GCN1: variants seen among roughly 807,000 people sequenced by gnomAD.
GCN1 encodes stalled ribosome sensor GCN1.
Under a neutral mutation model 288.4 loss-of-function variants are expected in GCN1, and 90 were observed. The ratio of observed to expected loss-of-function variants is 0.31; its 90% CI spans 0.26 to 0.37. The LOEUF (loss-of-function observed/expected upper bound fraction) is 0.37. GCN1 is among the 10% of genes least tolerant of loss of function. The pLI, the probability that GCN1 is intolerant of heterozygous loss-of-function variation, is 1.00. For missense variants in GCN1, 2,586 were observed against 3,419.9 expected, an observed-to-expected ratio of 0.76 and a Z score of 6.08; for synonymous variants, 1,386 against 1,420.2, an observed-to-expected ratio of 0.98 and a Z score of 0.54.
chr12:120,172,493 C>T (rs1445731317), intron 14 of GCN1, among the ~76,000 whole-genome samples: 1 of 152,120 alleles, frequency 6.6e-6, no homozygotes, highest in Non-Finnish European at 1.5e-5. Context: ...CAAGAGGAGG[C>T]CCTGGAATCT....
chr12:120,178,834 C>G lies in GCN1; in HGVS notation c.525+18G>C, dbSNP rs972252319. The G allele has an allele frequency of 6.2e-7, 1 of 1,613,330 alleles. No individual in the cohort carries two copies. Among genetic ancestry groups the G allele is most frequent in the South Asian group, 1.1e-5 (1 of 91,066 alleles). On this transcript the variant is annotated intron_variant, in intron 6 of 57. Transcript: ENST00000300648. ...GCATGGAAGAAGCAATGCCCACCAG[C>G]CCCTGCAGTCCTGTCACCTCTTTCC...
intron 42 of GCN1, among the ~76,000 whole-genome samples, chr12:120,143,191 G>A (rs1038522234): frequency 2.0e-5 from 3 of 152,094 alleles, no homozygotes; most frequent in African/African-American, 4.8e-5. Flanking sequence ...TATAACAAAA[G>A]TTATAAAAAA....
intron 1 of GCN1, 59 bp from the exon 2 acceptor site, chr12:120,190,459 G>T: frequency 2.2e-6 from 2 of 891,902 alleles, no homozygotes; most frequent in Non-Finnish European, 3.8e-6. Flanking sequence ...ATGAGTGTGT[G>T]TGTTGAGGGG....
intron 31 of GCN1, among the ~76,000 whole-genome samples, chr12:120,154,206 G>A (rs893127151): frequency 2.0e-5 from 3 of 152,250 alleles, no homozygotes; most frequent in African/African-American, 7.2e-5. Flanking sequence ...CTGCAAAGCA[G>A]GTTGTAAGAG....
In GCN1 at chr12:120,171,664, GTTTAT is replaced by G; in HGVS notation, c.1367-1348_1367-1344del. ...TTTATTTTCGTTTTGTTTTTAAAAG[GTTTAT>G]TTTATATTATGTTTATTTTAAAAGC... On this transcript the variant is annotated intron_variant, in intron 14 of 57. Coordinates refer to ENST00000300648, the MANE Select transcript of GCN1 (RefSeq NM_006836.2). 1.3e-5 allele frequency among the ~76,000 whole-genome samples: 2 copies of G among 152,212 alleles called. 1 individual carries two copies. The highest frequency in any genetic ancestry group is 4.1e-4 in the South Asian group (2 of 4,826).
Position 120,162,067 on chromosome 12 carries a change from C to A in GCN1, c.2164-9G>T, listed in dbSNP as rs374600893. The A allele has an allele frequency of 1.2e-5, 20 of 1,610,736 alleles. No individual in the cohort carries two copies. Among genetic ancestry groups the A allele is most frequent in the Non-Finnish European group, 1.7e-5 (20 of 1,179,612 alleles). On this transcript the variant is annotated splice_polypyrimidine_tract_variant and intron_variant, in intron 20 of 57. Transcript: ENST00000300648. The stretch of plus-strand genomic sequence containing the variant: ...ATGGCATTCATGGAGGACTGCCAGA[C>A]AAACGCAGACATGGTCAGTGTGTGC...
At position 120,147,096 on chromosome 12, in the gene GCN1, C is replaced by T. The variant is rs770444543; in HGVS notation, c.4903G>A (p.Ala1635Thr). ...QDRSTDTRKM[A>T]AQIIGNMYSL... ...TACATGTTGCCAATAATCTGGGCTG[C>T]CATCTTCCGCGTGTCCGTGGAACGG... The change falls in exon 38 of 58, where the codon GCA becomes ACA. Residue 1635 changes from alanine to threonine, a missense_variant. This residue lies in a region of GCN1 where 371 missense variants were observed against 572.6 expected (regional missense o/e 0.65). Coordinates refer to ENST00000300648, the MANE Select transcript of GCN1 (RefSeq NM_006836.2). The T allele has an allele frequency of 1.3e-6, 2 of 1,599,280 alleles. No individual in the cohort carries two copies. Among genetic ancestry groups the T allele is most frequent in the Non-Finnish European group, 1.7e-6 (2 of 1,169,180 alleles).
At chr12:120,138,543 C>T (rs968835735) in intron 46 of GCN1, 128 bp from the exon 47 acceptor site, 25 of 1,033,184 alleles carry the variant, frequency 2.4e-5, no homozygotes, top group Admixed American at 3.5e-5. Flanking sequence ...CTGCCGAAGG[C>T]GAAGCACAAA....
In GCN1 at chr12:120,173,693, C is replaced by T; in HGVS notation, c.1326G>A (p.Val442=). The T allele has an allele frequency of 6.2e-7, 1 of 1,611,386 alleles. No individual in the cohort carries two copies. Among genetic ancestry groups the T allele is most frequent in the Non-Finnish European group, 8.5e-7 (1 of 1,177,468 alleles). ...ACATGCACTGCAGGTAGGCATGCCT[C>T]ACCGCAGATGTGGAGGTTTTAAGGC... ...AFSLKTSTSA[V]RHAYLQCMLA... The change falls in exon 14 of 58, where the codon GTG becomes GTA. Residue 442 remains valine, a synonymous_variant. Coordinates refer to ENST00000300648, the MANE Select transcript of GCN1 (RefSeq NM_006836.2).
rs772245109 is a variant in GCN1 at position 120,153,277 on chromosome 12, C to G, written c.3998G>C (p.Ser1333Thr). Reference sequence around the variant, plus strand: ...AACAATGGGCTTCACTTTGGGGTCACTCTTGTCCAGGTGCTTGGCCAGAGA... The same window carrying G: ...AACAATGGGCTTCACTTTGGGGTCAGTCTTGTCCAGGTGCTTGGCCAGAGA... ...MGSLAKHLDK[S>T]DPKVKPIVAK... Residue 1333 changes from serine (S) to threonine (T), a missense_variant, in exon 33 of 58, where the codon AGT (serine) becomes ACT (threonine). Transcript: ENST00000300648. This position sits in a 1 kb window ranked among gnomAD's most constrained non-coding sequence, Gnocchi z 4.4. 1 of 1,614,232 alleles carries G rather than the reference C, an allele frequency of 6.2e-7. No individual in the cohort carries two copies. The highest frequency in any genetic ancestry group is 1.7e-5 in the Admixed American group (1 of 60,026).
Position 120,153,918 on chromosome 12 carries a change from G to C in GCN1, c.3702-9C>G, listed in dbSNP as rs372067894. Reference sequence around the variant, plus strand: ...CCAACGCCAAGCCACACCTGGGAAAGAAGTGGGAGCACATCAGGAGGGGCA... The same window carrying C: ...CCAACGCCAAGCCACACCTGGGAAACAAGTGGGAGCACATCAGGAGGGGCA... On this transcript the variant is annotated splice_polypyrimidine_tract_variant and intron_variant, in intron 31 of 57. Coordinates refer to ENST00000300648, the MANE Select transcript of GCN1 (RefSeq NM_006836.2). The surrounding 1 kb of genome is among the most constrained non-coding windows in gnomAD (Gnocchi z 4.4). 3.2e-5 allele frequency: 52 copies of C among 1,612,650 alleles called. No individual in the cohort carries two copies. The South Asian group carries it at 5.3e-4, about 16-fold the overall frequency.
In GCN1 at chr12:120,153,779, C is replaced by G; in HGVS notation, c.3832G>C (p.Asp1278His). Residue 1278 changes from aspartate to histidine, a missense_variant, in exon 32 of 58, where the codon GAT (aspartate) becomes CAT (histidine). Asp to His is a moderately conservative substitution (Grantham distance 81). Transcript: ENST00000300648. This position sits in a 1 kb window ranked among gnomAD's most constrained non-coding sequence, Gnocchi z 4.4. The part of the protein sequence containing the change: ...RHPDVRKCML[D>H]AALATLNTHG... ...GTGTTGAGCGTTGCGAGGGCTGCAT[C>G]CAACATGCACTTCCGGACATCTGGG... 6.2e-7 allele frequency: 1 copy of G among 1,614,164 alleles called. No homozygotes were observed. The highest frequency in any genetic ancestry group is 8.5e-7 in the Non-Finnish European group (1 of 1,180,010).
At chr12:120,192,977 A>G (rs1879054110) in intron 1 of GCN1, among the ~76,000 whole-genome samples, 1 of 152,146 alleles carries the variant, frequency 6.6e-6, no homozygotes, top group South Asian at 2.1e-4. Context: ...CAGAGGTTGC[A>G]GTGAGTTCAG....
rs775270694 is a variant in GCN1, at chr12:120,134,486, AC to A, written c.7202+46del. 1 of 1,597,940 alleles carries A rather than the reference AC, an allele frequency of 6.3e-7. No individual in the cohort carries two copies. The highest frequency in any genetic ancestry group is 8.6e-7 in the Non-Finnish European group (1 of 1,166,132). ...GCCAGCGCAGGCTCGGCCCACAGCA[AC>A]CCCTGGCCTCCTGGAGGCCACAGTG... On this transcript the variant is annotated intron_variant, in intron 52 of 57. Transcript: ENST00000300648. The surrounding 1 kb of genome is among the most constrained non-coding windows in gnomAD (Gnocchi z 5.0).
Position 120,179,090 on chromosome 12 carries a change from C to T in GCN1, c.427-140G>A, listed in dbSNP as rs1003624520. ...CTCAGCCTCTCCCACTCAACTCCAG[C>T]CAGCTCCTCTTCCCTCCACCCCACA... On this transcript the variant is annotated intron_variant, in intron 5 of 57. Coordinates refer to ENST00000300648, the MANE Select transcript of GCN1 (RefSeq NM_006836.2). The T allele has an allele frequency of 2.5e-5, 17 of 667,048 alleles. No homozygotes were observed. In the African/African-American group the frequency reaches 2.7e-4, roughly 11 times the overall value. 41.3% of individuals were successfully genotyped at this position (667,048 alleles called of 1,614,324 possible). A position where few individuals can be genotyped will look rare whatever the true frequency, so the allele number is the denominator to read the frequency against.
At position 120,163,197 on chromosome 12, in the gene GCN1, G is replaced by T; in HGVS notation, c.1911C>A (p.Tyr637Ter). Residue 637 changes from tyrosine to a stop codon, truncating the protein, a stop_gained, in exon 19 of 58, where the codon TAC (tyrosine) becomes TAA (stop). Transcript: ENST00000300648. LOFTEE classifies it high-confidence loss of function. ...CCTCCTGCAGGACCCGTGGAGGCACGTAGGCCTTGCCTGCCTCAGTCACCT... is the reference window on the plus strand; with the variant it reads ...CCTCCTGCAGGACCCGTGGAGGCACTTAGGCCTTGCCTGCCTCAGTCACCT... ...AGEVTEAGKA[Y>*]VPPRVLQEAL... 6.2e-7 allele frequency: 1 copy of T among 1,613,896 alleles called. No homozygotes were observed. The highest frequency in any genetic ancestry group is 8.5e-7 in the Non-Finnish European group (1 of 1,179,746).
intron 14 of GCN1, 100 bp downstream of exon 14, chr12:120,173,553 T>A: frequency 1.4e-6 from 1 of 740,256 alleles, no homozygotes; most frequent in Non-Finnish European, 2.3e-6. Flanking sequence ...CAGTGCAAAA[T>A]AAGCTGAACT....
chr12:120,136,436 C>T (rs922393491), intron 51 of GCN1, 66 bp downstream of exon 51: 2 of 1,228,536 alleles, frequency 1.6e-6, no homozygotes, highest in African/African-American at 3.0e-5. Flanking sequence ...CTACATGACA[C>T]CTTGTATCAG....
rs766665739 is a variant in GCN1, at chr12:120,176,189, C to A, written c.867G>T (p.Thr289=). Residue 289 remains threonine (T), a synonymous_variant, in exon 10 of 58, where the codon ACG becomes ACT. Transcript: ENST00000300648. Reference sequence around the variant, plus strand: ...CCATGGCATACTGGCTGAGGTCAAGCGTCACTGATGCCAGCAGACTAGAAA... The same window carrying A: ...CCATGGCATACTGGCTGAGGTCAAGAGTCACTGATGCCAGCAGACTAGAAA... ...ETISSLLASV[T]LDLSQYAMDI... The A allele has an allele frequency of 1.9e-6, 3 of 1,611,714 alleles. No individual in the cohort carries two copies. Among genetic ancestry groups the A allele is most frequent in the Non-Finnish European group, 2.5e-6 (3 of 1,177,918 alleles).
Sources: allele counts gnomAD v4.1 joint callset (sites outside exome capture counted in the v4.1 genomes callset), GRCh38; gene constraint gnomAD v4.1.1; regional missense constraint gnomAD v4.1.1; non-coding constraint Gnocchi (gnomAD v3.1); transcripts MANE v1.5; gene names NCBI Gene and HGNC (gene_info 2026-07-23, HGNC 2026-07-21).